THRA: variants seen among roughly 807,000 people sequenced by gnomAD.
The protein encoded by THRA is EAR-7.
THRA carries 13 observed loss-of-function variants against 45.0 expected under a neutral mutation model. The ratio of observed to expected loss-of-function variants is 0.29; its 90% CI spans 0.19 to 0.46. The LOEUF is 0.46. THRA is among the 20% of genes least tolerant of loss of function. THRA has a pLI of 1.00. For synonymous variants in THRA, 195 were observed against 214.0 expected, an observed-to-expected ratio of 0.91 and a Z score of 0.78; for missense variants, 278 against 556.1, an observed-to-expected ratio of 0.50 and a Z score of 5.03.
Position 40,089,850 on chromosome 17 carries a change from G to T in THRA, c.*394G>T. ...ACCCCCTACACACACATGAGAGAGAGCCCCCACCCAGTTCCTTGGCCTAGG... is the reference window on the plus strand; with the variant it reads ...ACCCCCTACACACACATGAGAGAGATCCCCCACCCAGTTCCTTGGCCTAGG... On this transcript the variant is annotated 3_prime_UTR_variant, in exon 9 of 9. Transcript: ENST00000450525. This position sits in a 1 kb window ranked among gnomAD's most constrained non-coding sequence, Gnocchi z 6.1. The T allele has an allele frequency of 9.6e-7, 1 of 1,041,224 alleles. No homozygotes were observed. The highest frequency in any genetic ancestry group is 3.4e-5 in the South Asian group (1 of 29,264). 64.5% of individuals were successfully genotyped at this position (1,041,224 alleles called of 1,614,324 possible).
chr17:40,080,157 T>C (rs1598394064), intron 4 of THRA, among the ~76,000 whole-genome samples: 2 of 152,086 alleles, frequency 1.3e-5, no homozygotes, highest in East Asian at 3.9e-4. Flanking sequence ...CCAAACACTT[T>C]AGGAGGCCAA....
At chr17:40,066,696 A>C (rs1228181154) in intron 1 of THRA, among the ~76,000 whole-genome samples, 2 of 146,206 alleles carry the variant, frequency 1.4e-5, no homozygotes, top group African/African-American at 5.2e-5. Context: ...AAAAACAAAA[A>C]AGAACAAGGC....
intron 2 of THRA, among the ~76,000 whole-genome samples, chr17:40,076,569 G>A (rs192099065): frequency 6.6e-6 from 1 of 152,296 alleles, no homozygotes; most frequent in African/African-American, 2.4e-5. Context: ...TATTCGTCAT[G>A]TACTGAAAGA....
At position 40,092,973 on chromosome 17, in the gene THRA, C is replaced by T. The variant is rs1987640774; in HGVS notation, c.*3517C>T. 1.3e-6 allele frequency: 2 copies of T among 1,585,726 alleles called. No individual in the cohort carries two copies. The highest frequency in any genetic ancestry group is 1.8e-5 in the Admixed American group (1 of 56,650). ...AGGCTCATCTTGGAATATTTTATAA[C>T]AATATAAATAAGATTCTGGTTTGCT... On this transcript the variant is annotated 3_prime_UTR_variant, in exon 9 of 9. Transcript: ENST00000450525.
At chr17:40,082,073 G>A (rs745847802) in intron 4 of THRA, among the ~76,000 whole-genome samples, 2 of 151,938 alleles carry the variant, frequency 1.3e-5, no homozygotes, top group Non-Finnish European at 2.9e-5. Flanking sequence ...CCCTTTCCTT[G>A]ACTTTTTTGG....
chr17:40,070,812 C>T (rs372112217), intron 1 of THRA, among the ~76,000 whole-genome samples: 12 of 152,056 alleles, frequency 7.9e-5, no homozygotes, highest in East Asian at 3.9e-4. Context: ...ACCATTCCTA[C>T]GCCCCCCTCC....
At chr17:40,088,631 CT>C (rs1987419075) in intron 8 of THRA, 131 bp downstream of exon 8, 1 of 1,162,722 alleles carries the variant, frequency 8.6e-7, no homozygotes, top group Admixed American at 2.3e-5. Context: ...GGGCCATCCC[CT>C]ATCCCCTGTT....
Position 40,074,302 on chromosome 17 carries a change from A to T in THRA, c.-187A>T. On this transcript the variant is annotated 5_prime_UTR_variant, in exon 2 of 9. Coordinates refer to ENST00000450525, the MANE Select transcript of THRA (RefSeq NM_199334.5). ...CACCTGCCACTCCCTGGCCCCTCCC[A>T]CCGCCCGCCCCCCTTGGGGCGCAGG... 2 of 638,258 alleles carry T rather than the reference A, an allele frequency of 3.1e-6. No individual in the cohort carries two copies. The highest frequency in any genetic ancestry group is 1.8e-5 in the South Asian group (1 of 54,062). 39.5% of individuals were successfully genotyped at this position (638,258 alleles called of 1,614,324 possible). A position where few individuals can be genotyped will look rare whatever the true frequency, so the allele number is the denominator to read the frequency against.
At chr17:40,081,104 GC>G (rs1987122946) in intron 4 of THRA, among the ~76,000 whole-genome samples, 1 of 152,088 alleles carries the variant, frequency 6.6e-6, no homozygotes, top group African/African-American at 2.4e-5. Flanking sequence ...TGACTCTGCT[GC>G]CCACCGGCCA....
At chr17:40,069,619 G>A (rs1023113590) in intron 1 of THRA, among the ~76,000 whole-genome samples, 13 of 152,048 alleles carry the variant, frequency 8.5e-5, no homozygotes, top group African/African-American at 1.2e-4. Flanking sequence ...AGAATGTGCC[G>A]TGCCCAGCTT....
chr17:40,067,096 C>T (rs1986601604), intron 1 of THRA, among the ~76,000 whole-genome samples: 1 of 152,162 alleles, frequency 6.6e-6, no homozygotes. Context: ...AATTTCCAGC[C>T]TTCTCACCGT....
chr17:40,081,044 C>T (rs1050586142), intron 4 of THRA, among the ~76,000 whole-genome samples: 3 of 151,808 alleles, frequency 2.0e-5, no homozygotes, highest in African/African-American at 7.3e-5. Flanking sequence ...TTTAATGCCC[C>T]TGGAATCTGA....
At chr17:40,073,425 A>G (rs1986845614) in intron 1 of THRA, among the ~76,000 whole-genome samples, 2 of 152,024 alleles carry the variant, frequency 1.3e-5, no homozygotes, top group Admixed American at 1.3e-4. Context: ...GCTTTCTGAG[A>G]CTCAGTTTCC....
intron 1 of THRA, among the ~76,000 whole-genome samples, chr17:40,070,105 C>G (rs1986721418): frequency 6.6e-6 from 1 of 152,040 alleles, no homozygotes; most frequent in Non-Finnish European, 1.5e-5. Context: ...TCTCTAGCCT[C>G]TAAGGTCCCA....
rs1246898897 is a variant in THRA at position 40,092,195 on chromosome 17, T to A, written c.*2739T>A. The stretch of plus-strand genomic sequence containing the variant: ...CCTCCCTGCTCAGACTTGGGGAGGG[T>A]GGGGGAGGAGCCCCTACCCCTTCTC... On this transcript the variant is annotated 3_prime_UTR_variant, in exon 9 of 9. Coordinates refer to ENST00000450525, the MANE Select transcript of THRA (RefSeq NM_199334.5). 6.7e-6 allele frequency: 1 copy of A among 150,018 alleles called. No homozygotes were observed. Among genetic ancestry groups the A allele is most frequent in the Non-Finnish European group, 1.5e-5 (1 of 67,586 alleles). The allele number at this position is 150,018 out of a possible 1,614,324, so 9.3% of individuals were successfully genotyped here.
chr17:40,073,782 C>T (rs1986858838), intron 1 of THRA, among the ~76,000 whole-genome samples: 1 of 152,148 alleles, frequency 6.6e-6, no homozygotes, highest in Non-Finnish European at 1.5e-5. Flanking sequence ...CCCTCCCTGC[C>T]TATGCTGAAA....
intron 4 of THRA, among the ~76,000 whole-genome samples, chr17:40,078,628 G>A (rs1381910185): frequency 2.0e-5 from 3 of 151,876 alleles, no homozygotes; most frequent in African/African-American, 7.3e-5. Context: ...CAGCCTGTCA[G>A]AGAGAGAGAC....
chr17:40,077,778 A>G (rs577759558), intron 4 of THRA, among the ~76,000 whole-genome samples, 170 bp downstream of exon 4: 3 of 151,700 alleles, frequency 2.0e-5, no homozygotes, highest in South Asian at 4.2e-4. Flanking sequence ...GCTCACTGCA[A>G]CCTCCGCCTT....
intron 1 of THRA, among the ~76,000 whole-genome samples, chr17:40,070,806 T>C (rs1260101598): frequency 1.3e-5 from 2 of 151,564 alleles, no homozygotes; most frequent in East Asian, 3.9e-4. Context: ...GTGGAAACCA[T>C]TCCTACGCCC....
Sources: allele counts gnomAD v4.1 joint callset (sites outside exome capture counted in the v4.1 genomes callset), GRCh38; gene constraint gnomAD v4.1.1; non-coding constraint Gnocchi (gnomAD v3.1); transcripts MANE v1.5; gene names NCBI Gene and HGNC (gene_info 2026-07-23, HGNC 2026-07-21).